Variants in CLASP1 observed in about 807,000 individuals in gnomAD.
CLASP1 encodes the protein cytoplasmic linker associated protein 1.
In CLASP1, 38 loss-of-function variants were observed where a neutral mutation model predicts 192.3. The observed-to-expected ratio is 0.20, with a 90% CI of 0.15 to 0.26. CLASP1 has a LOEUF of 0.26. CLASP1 is among the 10% of genes least tolerant of loss of function. CLASP1 has a pLI of 1.00. For missense variants in CLASP1, 1,433 were observed against 1,932.5 expected, an observed-to-expected ratio of 0.74 and a Z score of 4.85; for synonymous variants, 691 against 712.8, an observed-to-expected ratio of 0.97 and a Z score of 0.49.
At chr2:121,478,284 A>C (rs1031510908) in intron 8 of CLASP1, among the ~76,000 whole-genome samples, 1 of 152,120 alleles carries the variant, frequency 6.6e-6, no homozygotes, top group Admixed American at 6.6e-5. Context: ...AGGGATTAGA[A>C]GAGAACTCCC....
At chr2:121,394,960 G>A (rs1477167459) in intron 30 of CLASP1, among the ~76,000 whole-genome samples, 1 of 152,146 alleles carries the variant, frequency 6.6e-6, no homozygotes, top group African/African-American at 2.4e-5. Context: ...AATTTGGGGA[G>A]TTTCTTAGAT....
intron 2 of CLASP1, 176 bp from the exon 3 acceptor site, chr2:121,530,501 G>C (rs866510916): frequency 5.0e-6 from 3 of 598,926 alleles, no homozygotes; most frequent in Non-Finnish European, 9.1e-6. Context: ...TCCACAAAAA[G>C]AGCTATGTAC....
chr2:121,444,993 A>G, intron 19 of CLASP1: 1 of 1,320,520 alleles, frequency 7.6e-7, no homozygotes, highest in Non-Finnish European at 1.0e-6. Context: ...AAGGGAAGGG[A>G]TAACAGGGAA....
intron 2 of CLASP1, among the ~76,000 whole-genome samples, chr2:121,566,338 T>C (rs1411638030): frequency 6.6e-6 from 1 of 152,236 alleles, no homozygotes; most frequent in Non-Finnish European, 1.5e-5. Flanking sequence ...TGTAATTACT[T>C]TGCAAACTGT....
intron 8 of CLASP1, among the ~76,000 whole-genome samples, chr2:121,477,880 A>G (rs917165350): frequency 6.6e-6 from 1 of 152,220 alleles, no homozygotes; most frequent in Admixed American, 6.5e-5. Context: ...TCCTCCTGAC[A>G]ACGCTGAGAG....
chr2:121,384,119 TAC>T lies in CLASP1; in HGVS notation c.3375-1797_3375-1796del, dbSNP rs1288240807. On this transcript the variant is annotated intron_variant, in intron 32 of 39. Coordinates refer to ENST00000263710, the Ensembl canonical transcript of CLASP1. ...ACACACATATATATGTATATATATA[TAC>T]ACACATATATATGTATATATATATA... Among the ~76,000 whole-genome samples the T allele has an allele frequency of 7.3e-3, 1,003 of 138,174 alleles. 11 individuals carry two copies. Among genetic ancestry groups the T allele is most frequent in the African/African-American group, 0.024 (946 of 38,946 alleles). The allele number at this position is 138,174 out of a possible 152,430, so 90.6% of individuals were successfully genotyped here. A position where few individuals can be genotyped will look rare whatever the true frequency, so the allele number is the denominator to read the frequency against.
chr2:121,377,648 T>C (rs1322603942), exon 34 of CLASP1: 4 of 1,556,196 alleles, frequency 2.6e-6, no homozygotes, highest in Non-Finnish European at 2.6e-6. Flanking sequence ...TAGTCCAGCA[T>C]GCTAAAGATA....
At chr2:121,515,850 A>C in intron 6 of CLASP1, 88 bp from the exon 7 acceptor site, 1 of 936,410 alleles carries the variant, frequency 1.1e-6, no homozygotes, top group South Asian at 1.4e-5. Flanking sequence ...TACCACCCCA[A>C]TTTATCACCA....
intron 1 of CLASP1, among the ~76,000 whole-genome samples, chr2:121,612,554 T>G (rs2065794940): frequency 6.7e-6 from 1 of 149,698 alleles, no homozygotes; most frequent in East Asian, 2.0e-4. Context: ...AGAGATGAAG[T>G]TAGAGAAGTT....
chr2:121,396,781 C>T (rs888467790), intron 30 of CLASP1, among the ~76,000 whole-genome samples: 1 of 152,164 alleles, frequency 6.6e-6, no homozygotes, highest in African/African-American at 2.4e-5. Context: ...CCACATTTTA[C>T]GATCAGGGAC....
At chr2:121,485,273 A>G (rs1266192487) in intron 8 of CLASP1, among the ~76,000 whole-genome samples, 4 of 152,216 alleles carry the variant, frequency 2.6e-5, no homozygotes, top group African/African-American at 4.8e-5. Flanking sequence ...CCTTTGACTA[A>G]GCAGCAGGGC....
chr2:121,546,524 G>A (rs1265075383), intron 2 of CLASP1, among the ~76,000 whole-genome samples: 2 of 151,922 alleles, frequency 1.3e-5, no homozygotes, highest in Admixed American at 6.6e-5. Flanking sequence ...ATGGAGCCAG[G>A]GGAACCTCCC....
At chr2:121,621,283 G>C (rs576773143) in intron 1 of CLASP1, among the ~76,000 whole-genome samples, 52 of 152,114 alleles carry the variant, frequency 3.4e-4, no homozygotes, top group Non-Finnish European at 5.6e-4. Flanking sequence ...TTACAACCAT[G>C]TTTTCTTCTA....
intron 23 of CLASP1, among the ~76,000 whole-genome samples, chr2:121,418,421 T>C (rs1249335953): frequency 6.6e-6 from 1 of 152,232 alleles, no homozygotes; most frequent in African/African-American, 2.4e-5. Context: ...TGGTGTTTTT[T>C]TCCTCTAATA....
chr2:121,439,200 G>A lies in CLASP1; in HGVS notation c.1912+8137C>T, dbSNP rs1244835264. Among the ~76,000 whole-genome samples the A allele has an allele frequency of 2.0e-3, 308 of 152,080 alleles. 1 individual carries two copies. The highest frequency in any genetic ancestry group is 7.0e-3 in the African/African-American group (292 of 41,470). On this transcript the variant is annotated intron_variant, in intron 19 of 39. Coordinates refer to ENST00000263710, the Ensembl canonical transcript of CLASP1. Reference sequence around the variant, plus strand: ...TATCCCCTTTATCATTTTTTATTGCGTCTATTTGATTCTTCTTTTTTTCTT... The same window carrying A: ...TATCCCCTTTATCATTTTTTATTGCATCTATTTGATTCTTCTTTTTTTCTT...
intron 14 of CLASP1, among the ~76,000 whole-genome samples, chr2:121,456,282 T>C (rs2149835512): frequency 6.6e-6 from 1 of 151,574 alleles, no homozygotes; most frequent in African/African-American, 2.4e-5. Context: ...GGAAGACTGC[T>C]TGAGCCCAGG....
At chr2:121,586,427 CCT>C (rs2061722376) in intron 2 of CLASP1, among the ~76,000 whole-genome samples, 1 of 152,042 alleles carries the variant, frequency 6.6e-6, no homozygotes, top group Non-Finnish European at 1.5e-5. Flanking sequence ...GCACCTAGCC[CCT>C]GTTCTTTAAA....
intron 8 of CLASP1, among the ~76,000 whole-genome samples, chr2:121,479,018 A>C (rs1416420171): frequency 1.6e-4 from 7 of 44,056 alleles, no homozygotes; most frequent in African/African-American, 4.4e-4. Context: ...CACACACACC[A>C]CACACACACA....
At chr2:121,534,985 A>T (rs1291845918) in intron 2 of CLASP1, among the ~76,000 whole-genome samples, 1 of 152,224 alleles carries the variant, frequency 6.6e-6, no homozygotes, top group African/African-American at 2.4e-5. Context: ...ATAACAAGTC[A>T]GGCCGAGTGT....
Sources: allele counts gnomAD v4.1 joint callset (sites outside exome capture counted in the v4.1 genomes callset), GRCh38; gene constraint gnomAD v4.1.1; transcripts MANE v1.5; gene names NCBI Gene and HGNC (gene_info 2026-07-23, HGNC 2026-07-21).